The following AMMECR1 variants were observed in gnomAD, a reference collection of about 807,000 sequenced individuals.
The protein encoded by AMMECR1 is nuclear protein AMMECR1.
A neutral mutation model predicts 22.5 loss-of-function variants in AMMECR1; 3 were observed. The observed-to-expected ratio is 0.13, with a 90% CI of 0.06 to 0.35. AMMECR1 has a LOEUF of 0.35. AMMECR1 is among the 10% of genes least tolerant of loss of function. The pLI is 1.00. For missense variants in AMMECR1, 235 were observed against 278.7 expected (o/e 0.84, Z 1.12); for synonymous variants, 130 against 116.7 (o/e 1.11, Z -0.74).
intron 2 of AMMECR1, among the ~76,000 whole-genome samples, chrX:110,345,474 C>T (rs2068184754): frequency 2.8e-5 from 3 of 107,385 alleles, no homozygotes; most frequent in African/African-American, 1.1e-4. Context: ...TGCACATGTA[C>T]CCTAGAACTT....
intron 2 of AMMECR1, among the ~76,000 whole-genome samples, chrX:110,362,814 A>G (rs1281932052): frequency 8.9e-6 from 1 of 112,066 alleles, no homozygotes; most frequent in Non-Finnish European, 1.9e-5. Context: ...TCTTCCACAC[A>G]TTGCTAACAT....
At chrX:110,382,904 C>T (rs1269904511) in intron 2 of AMMECR1, among the ~76,000 whole-genome samples, 1 of 111,954 alleles carries the variant, frequency 8.9e-6, no homozygotes, top group Non-Finnish European at 1.9e-5. Context: ...TATTGAGCTT[C>T]CTATACTCTC....
intron 2 of AMMECR1, among the ~76,000 whole-genome samples, chrX:110,392,480 G>T (rs2068501704): frequency 9.0e-6 from 1 of 111,009 alleles, no homozygotes; most frequent in Non-Finnish European, 1.9e-5. Flanking sequence ...ACAAGGCCTT[G>T]CTTTGTTGTC....
At chrX:110,417,858 C>T (rs1163689102) in intron 2 of AMMECR1, among the ~76,000 whole-genome samples, 1 of 112,453 alleles carries the variant, frequency 8.9e-6, no homozygotes, top group Non-Finnish European at 1.9e-5. Context: ...GAAGAGAAAA[C>T]GGAGGTAGCC....
chrX:110,372,244 T>C (rs759546037), intron 2 of AMMECR1, among the ~76,000 whole-genome samples: 6 of 112,694 alleles, frequency 5.3e-5, no homozygotes, highest in Non-Finnish European at 1.1e-4. Context: ...GAGGAGGATA[T>C]AAAATCAAGG....
chrX:110,247,252 T>C (rs2067662967), intron 2 of AMMECR1, among the ~76,000 whole-genome samples: 1 of 112,218 alleles, frequency 8.9e-6, no homozygotes, highest in Non-Finnish European at 1.9e-5. Flanking sequence ...CTGCGCATGA[T>C]AGCTCACTCC....
At chrX:110,216,385 T>C in intron 3 of AMMECR1, 133 bp downstream of exon 3, 1 of 423,371 alleles carries the variant, frequency 2.4e-6, no homozygotes, top group Non-Finnish European at 4.1e-6. Context: ...GTTGTGAGGT[T>C]TATTCATCCA....
intron 3 of AMMECR1, among the ~76,000 whole-genome samples, chrX:110,203,621 C>T (rs921036573): frequency 2.7e-5 from 3 of 111,157 alleles, no homozygotes; most frequent in African/African-American, 9.8e-5. Flanking sequence ...GATGTAAGAC[C>T]AGGTAAACAT....
At chrX:110,384,978 A>G (rs960091908) in intron 2 of AMMECR1, among the ~76,000 whole-genome samples, 2 of 110,967 alleles carry the variant, frequency 1.8e-5, no homozygotes, top group African/African-American at 6.6e-5. Context: ...AAGTCTGTGC[A>G]GAGAAGACAC....
intron 1 of AMMECR1, among the ~76,000 whole-genome samples, chrX:110,287,394 C>A (rs758314104): frequency 8.9e-6 from 1 of 111,964 alleles, no homozygotes; most frequent in Admixed American, 9.4e-5. Context: ...AAAACACAGA[C>A]CACCTTGTTG....
At chrX:110,352,757 C>T (rs1477129060) in intron 2 of AMMECR1, among the ~76,000 whole-genome samples, 1 of 112,194 alleles carries the variant, frequency 8.9e-6, no homozygotes, top group Non-Finnish European at 1.9e-5. Flanking sequence ...CCTTGAATTA[C>T]TCATGCAGCT....
chrX:110,365,490 A>C (rs1476336629), intron 2 of AMMECR1, among the ~76,000 whole-genome samples: 1 of 112,225 alleles, frequency 8.9e-6, no homozygotes, highest in Non-Finnish European at 1.9e-5. Context: ...ATTTAAATGA[A>C]AGCAAAGGCA....
chrX:110,230,688 G>A (rs1294017618), intron 2 of AMMECR1, among the ~76,000 whole-genome samples: 1 of 112,180 alleles, frequency 8.9e-6, no homozygotes, highest in African/African-American at 3.2e-5. Flanking sequence ...ACTTTGACGA[G>A]TTGACAGAAG....
At chrX:110,311,399 T>C (rs1436993246) in intron 1 of AMMECR1, among the ~76,000 whole-genome samples, 1 of 112,124 alleles carries the variant, frequency 8.9e-6, no homozygotes, top group Admixed American at 9.5e-5. Flanking sequence ...ACTTTGATAA[T>C]AGTATCATAT....
chrX:110,343,492 G>C (rs1279565155), intron 2 of AMMECR1, among the ~76,000 whole-genome samples: 4 of 111,072 alleles, frequency 3.6e-5, no homozygotes, highest in African/African-American at 1.3e-4. Flanking sequence ...GTTCTGGCCA[G>C]GGCAATCAGG....
chrX:110,394,691 C>T (rs900984411), intron 2 of AMMECR1, among the ~76,000 whole-genome samples: 7 of 112,825 alleles, frequency 6.2e-5, no homozygotes, highest in African/African-American at 1.9e-4. Flanking sequence ...GGTTGGAGGA[C>T]GAGGAGGCCT....
chrX:110,239,959 G>A (rs1480328928), intron 2 of AMMECR1, among the ~76,000 whole-genome samples: 1 of 111,466 alleles, frequency 9.0e-6, no homozygotes, highest in Admixed American at 9.5e-5. Context: ...GCCAAACTAA[G>A]CTTCATAAGC....
At chrX:110,403,743 T>C (rs2068580170) in intron 2 of AMMECR1, among the ~76,000 whole-genome samples, 2 of 112,207 alleles carry the variant, frequency 1.8e-5, no homozygotes, top group Admixed American at 1.9e-4. Flanking sequence ...CATGAGGTTA[T>C]TTATAGTCTT....
At chrX:110,307,776 C>G (rs1483466426) in intron 1 of AMMECR1, among the ~76,000 whole-genome samples, 3 of 107,391 alleles carry the variant, frequency 2.8e-5, no homozygotes, top group African/African-American at 1.0e-4. Flanking sequence ...AATATGGTCT[C>G]TTATAAGTAT....
Sources: allele counts gnomAD v4.1 joint callset (sites outside exome capture counted in the v4.1 genomes callset), GRCh38; gene constraint gnomAD v4.1.1; transcripts MANE v1.5; gene names NCBI Gene and HGNC (gene_info 2026-07-23, HGNC 2026-07-21).